Variants in NOL4 observed in about 807,000 individuals in gnomAD.
The protein encoded by NOL4 is cancer/testis antigen 125.
Under a neutral mutation model 75.9 loss-of-function variants are expected in NOL4, and 17 were observed. The ratio of observed to expected loss-of-function variants is 0.22; its 90% CI spans 0.15 to 0.34. The LOEUF (loss-of-function observed/expected upper bound fraction) is 0.34. Among genes scored for constraint, NOL4 ranks in the 10% least tolerant of loss-of-function variants. The pLI is 1.00. For synonymous variants in NOL4, 292 were observed against 289.9 expected (o/e 1.01, Z -0.07); for missense variants, 614 against 793.5 (o/e 0.77, Z 2.72).
At chr18:34,173,124 C>T (rs1054509273) in intron 1 of NOL4, among the ~76,000 whole-genome samples, 5 of 151,898 alleles carry the variant, frequency 3.3e-5, no homozygotes, top group Admixed American at 6.6e-5. Context: ...GAGGACATTA[C>T]GCTAAACAAA....
intron 1 of NOL4, among the ~76,000 whole-genome samples, chr18:34,206,099 G>A (rs60200351): frequency 0.011 from 1,625 of 152,086 alleles, 33 homozygotes; most frequent in African/African-American, 0.037. Flanking sequence ...TTTCACCCAT[G>A]GATTATTTGG....
At chr18:34,102,121 G>T (rs1036496982) in intron 4 of NOL4, among the ~76,000 whole-genome samples, 2 of 151,686 alleles carry the variant, frequency 1.3e-5, no homozygotes, top group Admixed American at 1.3e-4. Context: ...TTTTAAACTT[G>T]TGATTCCCTA....
chr18:34,029,487 T>C (rs1434568776), intron 5 of NOL4, among the ~76,000 whole-genome samples: 4 of 152,218 alleles, frequency 2.6e-5, no homozygotes, highest in African/African-American at 9.7e-5. Context: ...CACAGGGGCA[T>C]ATCCTTGGCT....
At chr18:34,099,396 G>A (rs796437103) in intron 4 of NOL4, among the ~76,000 whole-genome samples, 64 of 116,228 alleles carry the variant, frequency 5.5e-4, no homozygotes, top group African/African-American at 2.0e-3. Context: ...CGCATGCTTC[G>A]GTCCCTGATT....
intron 5 of NOL4, among the ~76,000 whole-genome samples, chr18:34,021,896 A>G (rs888259997): frequency 3.9e-5 from 6 of 152,094 alleles, no homozygotes; most frequent in African/African-American, 1.2e-4. Flanking sequence ...TGAGGTCAGG[A>G]GTTTGAGACC....
intron 1 of NOL4, among the ~76,000 whole-genome samples, chr18:34,182,082 A>G (rs2034086726): frequency 6.6e-6 from 1 of 151,632 alleles, no homozygotes; most frequent in Admixed American, 6.6e-5. Flanking sequence ...ACAAAAAAAT[A>G]TATATCAGCA....
intron 1 of NOL4, among the ~76,000 whole-genome samples, chr18:34,208,433 CAAGAAA>C (rs1340262144): frequency 2.7e-5 from 4 of 146,126 alleles, no homozygotes; most frequent in Middle Eastern, 3.5e-3. Context: ...AGCTAGATGA[CAAGAAA>C]AAGATTAAAA....
intron 9 of NOL4, among the ~76,000 whole-genome samples, chr18:33,899,107 T>C (rs2065595131): frequency 6.6e-6 from 1 of 152,140 alleles, no homozygotes; most frequent in African/African-American, 2.4e-5. Flanking sequence ...TTCCTAAAAC[T>C]AACCCCTGAG....
At chr18:34,002,272 C>G (rs1354751432) in intron 6 of NOL4, among the ~76,000 whole-genome samples, 3 of 151,976 alleles carry the variant, frequency 2.0e-5, no homozygotes, top group Non-Finnish European at 2.9e-5. Flanking sequence ...AGTAGCCCCC[C>G]CATTCTCCAA....
chr18:34,152,051 C>A (rs1404711963), intron 1 of NOL4, among the ~76,000 whole-genome samples: 1 of 151,526 alleles, frequency 6.6e-6, no homozygotes, highest in Non-Finnish European at 1.5e-5. Flanking sequence ...TCTTTGTATC[C>A]CTTTTTAGTG....
chr18:33,956,138 A>G (rs1350420729), intron 8 of NOL4, among the ~76,000 whole-genome samples: 1 of 152,146 alleles, frequency 6.6e-6, no homozygotes, highest in African/African-American at 2.4e-5. Flanking sequence ...CTATGAATTT[A>G]AGATCAGGAC....
At chr18:34,046,352 A>G (rs999034065) in intron 5 of NOL4, among the ~76,000 whole-genome samples, 1 of 151,952 alleles carries the variant, frequency 6.6e-6, no homozygotes, top group African/African-American at 2.4e-5. Flanking sequence ...TTAGAAGAGC[A>G]GACGGGGCCA....
intron 6 of NOL4, among the ~76,000 whole-genome samples, chr18:33,981,997 T>A (rs945138457): frequency 6.6e-6 from 1 of 152,040 alleles, no homozygotes; most frequent in Non-Finnish European, 1.5e-5. Flanking sequence ...GAGTTCATTG[T>A]GAATGTCTAT....
chr18:34,041,014 G>A (rs184698854), intron 5 of NOL4, among the ~76,000 whole-genome samples: 252 of 151,922 alleles, frequency 1.7e-3, no homozygotes, highest in African/African-American at 5.4e-3. Context: ...ATGAAAAAAC[G>A]TAATGAAAAA....
intron 6 of NOL4, among the ~76,000 whole-genome samples, chr18:33,979,944 T>C (rs2071815218): frequency 6.6e-6 from 1 of 152,092 alleles, no homozygotes; most frequent in South Asian, 2.1e-4. Context: ...TTACAAGTAT[T>C]TAAATGCCAC....
intron 6 of NOL4, among the ~76,000 whole-genome samples, chr18:34,016,032 T>C (rs2074671935): frequency 6.6e-6 from 1 of 152,088 alleles, no homozygotes. Flanking sequence ...ATTCACAGAA[T>C]GTTCACATTA....
intron 10 of NOL4, among the ~76,000 whole-genome samples, chr18:33,862,251 C>T (rs1039337071): frequency 6.6e-6 from 1 of 151,870 alleles, no homozygotes; most frequent in African/African-American, 2.4e-5. Context: ...CTTCCTTACA[C>T]CTTATACAAA....
intron 8 of NOL4, among the ~76,000 whole-genome samples, chr18:33,946,618 T>C (rs2068853024): frequency 6.6e-6 from 1 of 151,784 alleles, no homozygotes; most frequent in African/African-American, 2.4e-5. Context: ...TACACATTCC[T>C]GTGAGGAAAT....
intron 5 of NOL4, among the ~76,000 whole-genome samples, chr18:34,032,627 T>C (rs2075695761): frequency 6.6e-6 from 1 of 152,114 alleles, no homozygotes; most frequent in South Asian, 2.1e-4. Context: ...ACTCACCACG[T>C]GGGATCCAGA....
Sources: allele counts gnomAD v4.1 joint callset (sites outside exome capture counted in the v4.1 genomes callset), GRCh38; gene constraint gnomAD v4.1.1; transcripts MANE v1.5; gene names NCBI Gene and HGNC (gene_info 2026-07-23, HGNC 2026-07-21).